PFDN1: variants seen among roughly 807,000 people sequenced by gnomAD.
PFDN1 encodes the protein prefoldin 1.
In PFDN1, 6 loss-of-function variants were observed where a neutral mutation model predicts 17.3. The observed-to-expected ratio is 0.35, with a 90% CI of 0.19 to 0.69. The LOEUF (loss-of-function observed/expected upper bound fraction) is 0.69, where lower values mean the gene tolerates loss of function less well. PFDN1 is among the 30% of genes least tolerant of loss of function. The probability of loss-of-function intolerance (pLI) is 0.65; values close to 1 mark genes in which losing one functional copy is unlikely to be tolerated. For missense variants in PFDN1, 113 were observed against 146.2 expected (o/e 0.77, Z 1.17); for synonymous variants, 58 against 50.1 (o/e 1.16, Z -0.67).
At chr5:140,299,736 C>T (rs538705893) in intron 2 of PFDN1, among the ~76,000 whole-genome samples, 4 of 152,032 alleles carry the variant, frequency 2.6e-5, no homozygotes, top group East Asian at 2.0e-4. Flanking sequence ...TTTAACCTGC[C>T]GGGTGTGGTG....
chr5:140,245,443 T>C lies in PFDN1; in HGVS notation c.*531A>G, dbSNP rs138413860. 2.7e-5 allele frequency: 19 copies of C among 702,582 alleles called. No individual in the cohort carries two copies. In the East Asian group the frequency reaches 4.8e-4, roughly 18 times the overall value. 43.5% of individuals were successfully genotyped at this position (702,582 alleles called of 1,614,324 possible). ...GAACATCTGTTCTTTCTTCCTCTTC[T>C]GTCTACTGCATGCAGGCCCGGAAGC... is the stretch of plus-strand genomic sequence containing the variant. On this transcript the variant is annotated 3_prime_UTR_variant, in exon 4 of 4. Coordinates refer to ENST00000261813, the MANE Select transcript of PFDN1 (RefSeq NM_002622.5).
At position 140,297,994 on chromosome 5, in the gene PFDN1, A is replaced by T. The variant is rs1765678831; in HGVS notation, c.200+2422T>A. On this transcript the variant is annotated intron_variant, in intron 2 of 3. Transcript: ENST00000261813. The stretch of plus-strand genomic sequence containing the variant: ...AGACCTAAGGATATTCACATTAAGG[A>T]TAAAATTATCCTGTAGTGAATGCCA... 6.6e-5 allele frequency among the ~76,000 whole-genome samples: 10 copies of T among 152,346 alleles called. No individual in the cohort carries two copies. In the South Asian group the frequency reaches 2.1e-3, roughly 32 times the overall value.
intron 3 of PFDN1, among the ~76,000 whole-genome samples, chr5:140,257,712 T>G (rs1765007848): frequency 6.6e-6 from 1 of 152,180 alleles, no homozygotes; most frequent in Non-Finnish European, 1.5e-5. Flanking sequence ...TGGCACATAA[T>G]TCATCTAACC....
At chr5:140,297,880 AG>A (rs1408562033) in intron 2 of PFDN1, among the ~76,000 whole-genome samples, 1 of 152,208 alleles carries the variant, frequency 6.6e-6, no homozygotes, top group Non-Finnish European at 1.5e-5. Flanking sequence ...ATTTTGAAAA[AG>A]GAATTCTTTA....
chr5:140,275,932 A>G (rs1765283995), intron 3 of PFDN1, among the ~76,000 whole-genome samples: 1 of 152,178 alleles, frequency 6.6e-6, no homozygotes, highest in African/African-American at 2.4e-5. Context: ...AACATGATAA[A>G]TAGAAATAGC....
intron 3 of PFDN1, among the ~76,000 whole-genome samples, chr5:140,263,385 C>T (rs1765090126): frequency 6.6e-6 from 1 of 152,130 alleles, no homozygotes; most frequent in Non-Finnish European, 1.5e-5. Context: ...CATACCAAAG[C>T]CACATCCTTC....
chr5:140,282,288 TAA>T (rs1765417194), intron 2 of PFDN1, among the ~76,000 whole-genome samples: 1 of 151,386 alleles, frequency 6.6e-6, no homozygotes, highest in African/African-American at 2.4e-5. Context: ...TATCATACGC[TAA>T]GAGAAAAGTC....
In PFDN1 at chr5:140,288,709, G is replaced by A. The variant is rs184851396; in HGVS notation, c.201-7176C>T. On this transcript the variant is annotated intron_variant, in intron 2 of 3. Transcript: ENST00000261813. ...ATAAAAAAATAAAGTTGCTGGCCGT[G>A]CACGGTGGCTCATGCCTGTAATCCC... Among the ~76,000 whole-genome samples the A allele has an allele frequency of 4.6e-5, 7 of 152,346 alleles. No individual in the cohort carries two copies. The East Asian group carries it at 1.3e-3, about 29-fold the overall frequency.
intron 3 of PFDN1, among the ~76,000 whole-genome samples, chr5:140,276,449 G>A (rs1012753019): frequency 2.6e-5 from 4 of 152,068 alleles, no homozygotes; most frequent in East Asian, 1.9e-4. Flanking sequence ...ACTACTTTTC[G>A]AAGATCTAGC....
chr5:140,300,816 T>A (rs1033020917), intron 1 of PFDN1, among the ~76,000 whole-genome samples: 14 of 152,162 alleles, frequency 9.2e-5, no homozygotes, highest in African/African-American at 3.4e-4. Context: ...TATTAAGTAA[T>A]AACCATATTA....
chr5:140,296,595 C>T (rs7734018), intron 2 of PFDN1, among the ~76,000 whole-genome samples: 1,958 of 152,220 alleles, frequency 0.013, 29 homozygotes, highest in African/African-American at 0.041. Flanking sequence ...AGGAATATTG[C>T]CAGCCAAGGA....
rs185974665 is a variant in PFDN1, at chr5:140,246,803, G to A, written c.286-746C>T. Among the ~76,000 whole-genome samples, 125 of 152,338 alleles carry A rather than the reference G, an allele frequency of 8.2e-4. 1 individual carries two copies. The highest frequency in any genetic ancestry group is 1.9e-4 in the Non-Finnish European group (13 of 68,016). On this transcript the variant is annotated intron_variant, in intron 3 of 3. Transcript: ENST00000261813. Reference sequence around the variant, plus strand: ...TATTTGCCCTGTGCTCACCCCAGAAGTATGGTGGTTTTACCAGTGGTCCTT... The same window carrying A: ...TATTTGCCCTGTGCTCACCCCAGAAATATGGTGGTTTTACCAGTGGTCCTT...
rs558934127 is a variant in PFDN1 at position 140,261,824 on chromosome 5, C to G, written c.286-15767G>C. 1.2e-4 allele frequency among the ~76,000 whole-genome samples: 18 copies of G among 152,168 alleles called. No individual in the cohort carries two copies. In the South Asian group the frequency reaches 3.7e-3, roughly 32 times the overall value. On this transcript the variant is annotated intron_variant, in intron 3 of 3. Coordinates refer to ENST00000261813, the MANE Select transcript of PFDN1 (RefSeq NM_002622.5). ...AGCAACCCAGGATCTTTGCTCATAG[C>G]TCTCGGTGTTCTGAGGGGTATTGAG... is the stretch of plus-strand genomic sequence containing the variant.
chr5:140,286,512 T>C (rs1353081888), intron 2 of PFDN1, among the ~76,000 whole-genome samples: 1 of 144,416 alleles, frequency 6.9e-6, no homozygotes, highest in African/African-American at 2.6e-5. Flanking sequence ...TACACAAAGA[T>C]GAAATGGGAC....
intron 3 of PFDN1, among the ~76,000 whole-genome samples, chr5:140,273,244 CAAA>C (rs1204221243): frequency 4.5e-5 from 3 of 67,230 alleles, no homozygotes. Flanking sequence ...GACTCCATCT[CAAA>C]AAAAAAAAAA....
intron 3 of PFDN1, among the ~76,000 whole-genome samples, chr5:140,277,011 G>A (rs113135695): frequency 1.3e-4 from 20 of 151,978 alleles, no homozygotes; most frequent in African/African-American, 3.9e-4. Context: ...CCCGAGGTCA[G>A]GAGTTCGAGA....
intron 2 of PFDN1, among the ~76,000 whole-genome samples, chr5:140,291,104 CTT>C (rs1270837934): frequency 6.6e-6 from 1 of 152,178 alleles, no homozygotes; most frequent in East Asian, 1.9e-4. Flanking sequence ...GTGCAAAAGA[CTT>C]TGTCTTTTTC....
intron 2 of PFDN1, among the ~76,000 whole-genome samples, chr5:140,299,260 T>C (rs181260648): frequency 3.9e-5 from 6 of 152,264 alleles, no homozygotes; most frequent in African/African-American, 1.2e-4. Context: ...ATTACTGAAC[T>C]TACACTTAAG....
At chr5:140,300,613 TA>T (rs1765729906) in intron 1 of PFDN1, 31 bp from the exon 2 acceptor site, 1 of 1,476,914 alleles carries the variant, frequency 6.8e-7, no homozygotes, top group African/African-American at 1.4e-5. Context: ...ATTTAGTAGG[TA>T]AAACATTTTA....
Sources: gnomAD v4.1 joint callset for allele counts (sites outside exome capture counted in the v4.1 genomes callset) on GRCh38, gnomAD v4.1.1 for gene constraint, MANE v1.5 for transcripts, NCBI Gene and HGNC (gene_info 2026-07-23, HGNC 2026-07-21) for gene names.